The following CYB5R3 variants were observed in gnomAD, a reference collection of about 807,000 sequenced individuals.
The protein encoded by CYB5R3 is NADH-cytochrome b5 reductase 3.
Under a neutral mutation model 36.5 loss-of-function variants are expected in CYB5R3, and 28 were observed. The ratio of observed to expected loss-of-function variants is 0.77; its 90% confidence interval spans 0.57 to 1.05. The LOEUF is 1.05. CYB5R3 is among the 50% of genes least tolerant of loss of function. CYB5R3 has a pLI of 0.00. For missense variants in CYB5R3, 474 were observed against 408.9 expected, an observed-to-expected ratio of 1.16 and a Z score of -1.37; for synonymous variants, 181 against 159.8, an observed-to-expected ratio of 1.13 and a Z score of -1.00.
At chr22:42,628,422 C>T in intron 4 of CYB5R3, 141 bp from the exon 5 acceptor site, 3 of 1,096,362 alleles carry the variant, frequency 2.7e-6, no homozygotes, top group Non-Finnish European at 2.7e-6. Flanking sequence ...CCCATCCACC[C>T]AGCCGTCAAA....
intron 4 of CYB5R3, among the ~76,000 whole-genome samples, chr22:42,630,476 G>A (rs748558177): frequency 4.6e-5 from 7 of 152,342 alleles, no homozygotes; most frequent in South Asian, 2.1e-4. Flanking sequence ...GGACTGCGCC[G>A]TCACACCTCG....
Position 42,636,811 on chromosome 22 carries a change from C to T in CYB5R3, c.57G>A (p.Leu19=). The change falls in exon 2 of 9, where the codon CTG becomes CTA. Residue 19 remains leucine (L), a synonymous_variant. Coordinates refer to ENST00000352397, the MANE Select transcript of CYB5R3 (RefSeq NM_000398.7). ...GGAACAGCTTCATGAGCAGACTGTACAGGAACCAGACTGGGAAGAGCACCA... is the reference window on the plus strand; with the variant it reads ...GGAACAGCTTCATGAGCAGACTGTATAGGAACCAGACTGGGAAGAGCACCA... ...GHMVLFPVWF[L]YSLLMKLFQR... 1 of 1,613,948 alleles carries T rather than the reference C, an allele frequency of 6.2e-7. No individual in the cohort carries two copies. The highest frequency in any genetic ancestry group is 8.5e-7 in the Non-Finnish European group (1 of 1,180,012).
chr22:42,630,869 C>T lies in CYB5R3; in HGVS notation c.333+13G>A. On this transcript the variant is annotated intron_variant, in intron 4 of 8. Transcript: ENST00000352397. ...CCCACACCCCCTCCACAGTCATGAC[C>T]CAGAGGCTTCACCTTGATGACCAGG... The T allele has an allele frequency of 6.2e-7, 1 of 1,607,024 alleles. No individual in the cohort carries two copies. The highest frequency in any genetic ancestry group is 1.1e-5 in the South Asian group (1 of 89,900).
intron 8 of CYB5R3, 75 bp downstream of exon 8, chr22:42,623,714 C>T (rs1928108695): frequency 1.5e-6 from 2 of 1,316,350 alleles, no homozygotes; most frequent in Non-Finnish European, 2.2e-6. Flanking sequence ...AGGCTCAACG[C>T]CACAAACAGC....
Position 42,628,408 on chromosome 22 carries a change from G to C in CYB5R3, c.334-127C>G. 3 of 1,196,158 alleles carry C rather than the reference G, an allele frequency of 2.5e-6. No homozygotes were observed. The South Asian group carries it at 3.7e-5, about 15-fold the overall frequency. 74.1% of individuals were successfully genotyped at this position (1,196,158 alleles called of 1,614,324 possible). A position where few individuals can be genotyped will look rare whatever the true frequency, so the allele number is the denominator to read the frequency against. ...GGCCCACACATGGCCTTCTCCCGTG[G>C]AGCCCCATCCACCCAGCCGTCAAAT... On this transcript the variant is annotated intron_variant, in intron 4 of 8. Transcript: ENST00000352397.
intron 1 of CYB5R3, among the ~76,000 whole-genome samples, chr22:42,643,237 C>T (rs1306202378): frequency 6.6e-6 from 1 of 152,140 alleles, no homozygotes; most frequent in Non-Finnish European, 1.5e-5. Flanking sequence ...AAAGCGAGGG[C>T]CACTGCCTGG....
In CYB5R3 at chr22:42,631,400, C is replaced by T. The variant is rs1569321242; in HGVS notation, c.204G>A (p.Gln68=). The change falls in exon 3 of 9, where the codon CAG becomes CAA. Residue 68 remains glutamine (Q), a synonymous_variant. Transcript: ENST00000352397. ...CACCGACAGGGAGGCCCAGGATGTG[C>T]TGGGGTGACGGCAGGGCAAAGCGGA... is the stretch of plus-strand genomic sequence containing the variant. The part of the protein sequence containing the change: ...RRFRFALPSP[Q]HILGLPVGQH... The T allele has an allele frequency of 6.4e-7, 1 of 1,551,616 alleles. No individual in the cohort carries two copies. Among genetic ancestry groups the T allele is most frequent in the Non-Finnish European group, 8.7e-7 (1 of 1,146,964 alleles).
At chr22:42,646,052 A>G (rs1310819937) in intron 1 of CYB5R3, among the ~76,000 whole-genome samples, 1 of 152,008 alleles carries the variant, frequency 6.6e-6, no homozygotes, top group South Asian at 2.1e-4. Context: ...GGTGGGGTGC[A>G]CTCTCTTCCT....
chr22:42,636,528 G>A (rs1234684666), intron 2 of CYB5R3, among the ~76,000 whole-genome samples, 187 bp downstream of exon 2: 1 of 152,228 alleles, frequency 6.6e-6, no homozygotes, highest in Admixed American at 6.5e-5. Flanking sequence ...TGTGGACAGA[G>A]AGACCAGGGT....
intron 7 of CYB5R3, among the ~76,000 whole-genome samples, chr22:42,626,109 G>A (rs1440155857): frequency 1.3e-5 from 2 of 152,216 alleles, no homozygotes. Flanking sequence ...AGGAGTTCGA[G>A]ACCAGCCTGG....
intron 4 of CYB5R3, among the ~76,000 whole-genome samples, chr22:42,628,772 C>T (rs1417181404): frequency 1.3e-5 from 2 of 152,180 alleles, no homozygotes; most frequent in African/African-American, 4.8e-5. Context: ...AAGAGAAGGG[C>T]CTCAATCCGA....
intron 8 of CYB5R3, among the ~76,000 whole-genome samples, chr22:42,620,396 G>C (rs1927900376): frequency 2.0e-5 from 3 of 152,098 alleles, no homozygotes; most frequent in Non-Finnish European, 4.4e-5. Flanking sequence ...CTCTGCCCCA[G>C]GCTGCTCAGG....
intron 1 of CYB5R3, chr22:42,644,412 A>G: frequency 1.4e-6 from 1 of 722,826 alleles, no homozygotes; most frequent in Non-Finnish European, 2.5e-6. Flanking sequence ...TGCTCTTTCA[A>G]CATCAAGCCC....
intron 7 of CYB5R3, among the ~76,000 whole-genome samples, chr22:42,626,803 C>T (rs1457874682): frequency 3.3e-5 from 5 of 150,130 alleles, no homozygotes; most frequent in South Asian, 2.1e-4. Flanking sequence ...GAAAGTAGCT[C>T]GTCCAAGACC....
At chr22:42,622,580 GCTGGTCAT>G (rs1399620987) in intron 8 of CYB5R3, among the ~76,000 whole-genome samples, 1 of 152,156 alleles carries the variant, frequency 6.6e-6, no homozygotes, top group Non-Finnish European at 1.5e-5. Context: ...TGGAACCCAA[GCTGGTCAT>G]CTGAGAAGGG....
At chr22:42,643,268 T>C (rs1488855013) in intron 1 of CYB5R3, among the ~76,000 whole-genome samples, 4 of 152,114 alleles carry the variant, frequency 2.6e-5, no homozygotes, top group Non-Finnish European at 5.9e-5. Context: ...TGAAGCGATG[T>C]GAGATGAGAT....
At chr22:42,634,813 T>C (rs1180070667) in intron 2 of CYB5R3, among the ~76,000 whole-genome samples, 6 of 97,358 alleles carry the variant, frequency 6.2e-5, no homozygotes, top group African/African-American at 2.5e-4. Flanking sequence ...GATTGATTGA[T>C]TGATTGATTG....
Position 42,649,302 on chromosome 22 carries a change from A to G in CYB5R3, c.14T>C (p.Leu5Pro). Residue 5 changes from leucine to proline, a missense_variant, in exon 1 of 9, where the codon CTC becomes CCC. By Grantham distance (98) the Leu-to-Pro change is moderately conservative (BLOSUM62 -3). Transcript: ENST00000352397. MGAQ[L>P]STLGHMVLFP... Reference sequence around the variant, plus strand: ...CGCCCCCTCCCCGCCTACCGTGCTGAGCTGGGCCCCCATGGTGGCCCCGCG... The same window carrying G: ...CGCCCCCTCCCCGCCTACCGTGCTGGGCTGGGCCCCCATGGTGGCCCCGCG... 1 of 1,024,438 alleles carries G rather than the reference A, an allele frequency of 9.8e-7. No individual in the cohort carries two copies. 63.5% of individuals were successfully genotyped at this position (1,024,438 alleles called of 1,614,324 possible). A position where few individuals can be genotyped will look rare whatever the true frequency, so the allele number is the denominator to read the frequency against.
At chr22:42,638,419 A>T (rs113270182) in intron 1 of CYB5R3, among the ~76,000 whole-genome samples, 18,811 of 138,168 alleles carry the variant, frequency 0.14, 1,894 homozygotes, top group East Asian at 0.56. Context: ...AAAAAAAAAA[A>T]GTTAGCTGGT....
Sources: gnomAD v4.1 joint callset for allele counts (sites outside exome capture counted in the v4.1 genomes callset) on GRCh38, gnomAD v4.1.1 for gene constraint, MANE v1.5 for transcripts, NCBI Gene and HGNC (gene_info 2026-07-23, HGNC 2026-07-21) for gene names.